Variants in FHIT observed in about 807,000 individuals in gnomAD.
FHIT encodes the protein bis(5'-adenosyl)-triphosphatase.
In FHIT, 19 loss-of-function variants were observed where a neutral mutation model predicts 17.9. The observed-to-expected ratio is 1.06, with a 90% CI of 0.74 to 1.56. FHIT has a LOEUF of 1.56. Among genes scored for constraint, FHIT ranks in the 40% most tolerant of loss-of-function variants. FHIT has a pLI of 0.00. For synonymous variants in FHIT, 81 were observed against 69.7 expected, an observed-to-expected ratio of 1.16 and a Z score of -0.81; for missense variants, 248 against 189.2, an observed-to-expected ratio of 1.31 and a Z score of -1.82.
intron 5 of FHIT, among the ~76,000 whole-genome samples, chr3:60,262,721 C>A (rs2107612681): frequency 6.6e-6 from 1 of 152,012 alleles, no homozygotes; most frequent in African/African-American, 2.4e-5. Context: ...TCCTGTTCAG[C>A]TAACTGACTG....
chr3:59,860,523 C>T (rs1702360874), intron 8 of FHIT, among the ~76,000 whole-genome samples: 1 of 152,158 alleles, frequency 6.6e-6, no homozygotes, highest in Non-Finnish European at 1.5e-5. Flanking sequence ...TTCCAAATCA[C>T]CACCCATAAC....
chr3:60,335,102 T>C (rs981325644), intron 5 of FHIT, among the ~76,000 whole-genome samples: 8 of 152,230 alleles, frequency 5.3e-5, no homozygotes, highest in Admixed American at 4.6e-4. Flanking sequence ...AGGGTTGTTT[T>C]ATAACACTAT....
At chr3:60,937,538 T>C (rs1708239473) in intron 3 of FHIT, among the ~76,000 whole-genome samples, 1 of 9,930 alleles carries the variant, frequency 1.0e-4, no homozygotes, top group South Asian at 0.17. Flanking sequence ...AGTGGTCTAC[T>C]GCTTTTTTTT....
At position 61,193,067 on chromosome 3, in the gene FHIT, C is replaced by G. The variant is rs150205654; in HGVS notation, c.-164+7550G>C. Among the ~76,000 whole-genome samples the G allele has an allele frequency of 4.5e-4, 69 of 152,318 alleles. 2 individuals are homozygous for G. In the East Asian group the frequency reaches 0.012, roughly 26 times the overall value. Reference sequence around the variant, plus strand: ...AAGACAACCACCAATCCCCTAAATCCAGTCTCCATTAAAGACTTTTCTTTT... The same window carrying G: ...AAGACAACCACCAATCCCCTAAATCGAGTCTCCATTAAAGACTTTTCTTTT... On this transcript the variant is annotated intron_variant, in intron 2 of 9. Transcript: ENST00000492590.
intron 2 of FHIT, among the ~76,000 whole-genome samples, chr3:61,057,150 AAAT>A (rs2034253430): frequency 1.3e-5 from 2 of 152,252 alleles, no homozygotes; most frequent in Admixed American, 1.3e-4. Flanking sequence ...CTGTTTAAAC[AAAT>A]AATATCATTC....
rs551054393 is a variant in FHIT at position 60,867,822 on chromosome 3, C to T, written c.-110-45811G>A. Among the ~76,000 whole-genome samples the T allele has an allele frequency of 5.3e-5, 8 of 152,254 alleles. No homozygotes were observed. The South Asian group carries it at 1.7e-3, about 32-fold the overall frequency. ...GACTACAATAAGCAGAGCCCCCTGA[C>T]AACTTTTTTTGGGCATGTACCATTA... is the stretch of plus-strand genomic sequence containing the variant. On this transcript the variant is annotated intron_variant, in intron 3 of 9. Coordinates refer to ENST00000492590, the MANE Select transcript of FHIT (RefSeq NM_002012.4).
chr3:61,008,468 T>C (rs746470292), intron 3 of FHIT, among the ~76,000 whole-genome samples: 1 of 151,630 alleles, frequency 6.6e-6, no homozygotes, highest in Non-Finnish European at 1.5e-5. Context: ...AAAAGGAGTC[T>C]GGGGCTAGGA....
chr3:61,126,545 C>A (rs2036613134), intron 2 of FHIT, among the ~76,000 whole-genome samples: 2 of 152,054 alleles, frequency 1.3e-5, no homozygotes, highest in African/African-American at 4.8e-5. Context: ...AACTCACTCC[C>A]TATCAGGAAA....
intron 7 of FHIT, among the ~76,000 whole-genome samples, chr3:60,009,228 TG>T: frequency 7.4e-6 from 1 of 135,872 alleles, no homozygotes; most frequent in South Asian, 2.3e-4. Context: ...TGTGTGTGTG[TG>T]TATGGTGGTT....
intron 8 of FHIT, among the ~76,000 whole-genome samples, chr3:59,796,141 A>G (rs948502041): frequency 7.9e-5 from 12 of 152,126 alleles, no homozygotes; most frequent in African/African-American, 2.9e-4. Context: ...GTGTCTACTG[A>G]TTGGGTAGAT....
chr3:59,845,326 G>A (rs760096097), intron 8 of FHIT, among the ~76,000 whole-genome samples: 16 of 151,402 alleles, frequency 1.1e-4, no homozygotes, highest in Non-Finnish European at 2.9e-5. Flanking sequence ...CTTTCCTTCT[G>A]TTAGCTTTGG....
At chr3:60,174,827 T>C (rs114975652) in intron 5 of FHIT, among the ~76,000 whole-genome samples, 800 of 152,324 alleles carry the variant, frequency 5.3e-3, no homozygotes, top group African/African-American at 0.018. Context: ...TATTTTCTTT[T>C]TCCCCAGCCC....
At chr3:60,370,539 C>G (rs1700285131) in intron 5 of FHIT, among the ~76,000 whole-genome samples, 1 of 152,190 alleles carries the variant, frequency 6.6e-6, no homozygotes. Context: ...AATTCCTTCT[C>G]TTGTTCCCGC....
chr3:60,328,158 T>C (rs906529352), intron 5 of FHIT, among the ~76,000 whole-genome samples: 2 of 54,214 alleles, frequency 3.7e-5, no homozygotes, highest in Non-Finnish European at 7.0e-5. Context: ...ACAGGCAATG[T>C]AGTCTATTGG....
chr3:60,990,663 G>C (rs1226683565), intron 3 of FHIT, among the ~76,000 whole-genome samples: 1 of 152,184 alleles, frequency 6.6e-6, no homozygotes. Flanking sequence ...GATTAGTTCT[G>C]ACATTTGGGA....
chr3:60,585,529 T>A (rs2037879015), intron 4 of FHIT, among the ~76,000 whole-genome samples: 1 of 152,018 alleles, frequency 6.6e-6, no homozygotes, highest in Non-Finnish European at 1.5e-5. Flanking sequence ...TTAATGAAAT[T>A]CCAAGACTTA....
intron 8 of FHIT, among the ~76,000 whole-genome samples, chr3:59,756,042 G>GTAT (rs1701201578): frequency 6.6e-6 from 1 of 152,108 alleles, no homozygotes. Flanking sequence ...TAGTTAAGTG[G>GTAT]TATTTAATAT....
intron 4 of FHIT, among the ~76,000 whole-genome samples, chr3:60,672,906 T>TGTGTGC (rs1454491586): frequency 5.3e-5 from 8 of 151,580 alleles, no homozygotes; most frequent in South Asian, 4.2e-4. Flanking sequence ...TGTGTGTGTG[T>TGTGTGC]GCATGCATGC....
At chr3:60,548,921 G>T (rs575537026) in intron 4 of FHIT, among the ~76,000 whole-genome samples, 2 of 152,272 alleles carry the variant, frequency 1.3e-5, no homozygotes, top group East Asian at 1.9e-4. Flanking sequence ...GACAAACATG[G>T]CTTCCGATTG....
Sources: gnomAD v4.1 joint callset for allele counts (sites outside exome capture counted in the v4.1 genomes callset) on GRCh38, gnomAD v4.1.1 for gene constraint, MANE v1.5 for transcripts, NCBI Gene and HGNC (gene_info 2026-07-23, HGNC 2026-07-21) for gene names.